FGD3: variants seen among roughly 807,000 people sequenced by gnomAD.
FGD3 encodes FYVE, RhoGEF and PH domain-containing protein 3.
A neutral mutation model predicts 71.8 loss-of-function variants in FGD3; 45 were observed. The observed-to-expected ratio is 0.63, with a 90% CI of 0.49 to 0.80. The LOEUF (loss-of-function observed/expected upper bound fraction) is 0.80, where lower values mean the gene tolerates loss of function less well. Ranked by LOEUF, FGD3 falls within the 30% of genes least tolerant of loss-of-function variation. FGD3 has a pLI of 0.00. For synonymous variants in FGD3, 378 were observed against 392.8 expected (o/e 0.96, Z 0.44); for missense variants, 844 against 951.5 (o/e 0.89, Z 1.49).
chr9:93,028,218 GCA>G (rs547210870), intron 14 of FGD3, among the ~76,000 whole-genome samples: 5,119 of 141,022 alleles, frequency 0.036, 103 homozygotes, highest in Middle Eastern at 0.066. Flanking sequence ...ACACACACAC[GCA>G]CACACACACA....
At chr9:93,033,022 G>T (rs1470429991) in intron 16 of FGD3, 149 bp downstream of exon 16, 8 of 772,370 alleles carry the variant, frequency 1.0e-5, no homozygotes, top group Non-Finnish European at 6.7e-6. Flanking sequence ...GGGGCCCCCA[G>T]GCTGGGAACA....
At chr9:93,010,175 G>T in intron 6 of FGD3, 71 bp from the exon 7 acceptor site, 1 of 1,519,188 alleles carries the variant, frequency 6.6e-7, no homozygotes, top group Non-Finnish European at 8.9e-7. Context: ...GGCTGTGGTG[G>T]CCAGAAGCCG....
chr9:93,027,301 C>G (rs978339053), intron 14 of FGD3, among the ~76,000 whole-genome samples: 1 of 152,206 alleles, frequency 6.6e-6, no homozygotes, highest in African/African-American at 2.4e-5. Context: ...GCACTGGTGT[C>G]AGTTTGTTGG....
intron 16 of FGD3, chr9:93,033,544 T>A: frequency 6.6e-6 from 1 of 152,030 alleles, no homozygotes; most frequent in Non-Finnish European, 1.4e-5. Context: ...CCTCCTCCAC[T>A]CCTCTTTCTG....
At chr9:92,975,802 A>T (rs2118571414) in intron 2 of FGD3, among the ~76,000 whole-genome samples, 1 of 148,660 alleles carries the variant, frequency 6.7e-6, no homozygotes, top group South Asian at 2.2e-4. Flanking sequence ...GGAGGAGGAC[A>T]CCGGCCTCAT....
rs966611743 is a variant in FGD3, at chr9:92,956,053, A to G, written c.-218+8324A>G. On this transcript the variant is annotated intron_variant, in intron 1 of 17. Coordinates refer to ENST00000375482, the MANE Select transcript of FGD3 (RefSeq NM_001083536.2). ...TGTTCATTGCCAGTATATACAAATT[A>G]AAGTGATTTTTGTGACTTGATTTTG... is the stretch of plus-strand genomic sequence containing the variant. Among the ~76,000 whole-genome samples the G allele has an allele frequency of 2.6e-5, 4 of 152,212 alleles. No homozygotes were observed. The South Asian group carries it at 8.3e-4, about 32-fold the overall frequency.
intron 3 of FGD3, among the ~76,000 whole-genome samples, chr9:92,990,187 C>A (rs1860352810): frequency 6.6e-6 from 1 of 151,948 alleles, no homozygotes; most frequent in Non-Finnish European, 1.5e-5. Context: ...CCTGTAATCC[C>A]AGAACTTTGG....
intron 11 of FGD3, 136 bp downstream of exon 11, chr9:93,018,351 G>A (rs996084288): frequency 6.0e-5 from 46 of 765,414 alleles, no homozygotes; most frequent in Middle Eastern, 2.7e-4. Context: ...CCAGGGTTCC[G>A]TCTATGTCCT....
rs750617822 is a variant in FGD3 at position 93,018,219 on chromosome 9, TG to T, written c.1355+6del. Reference sequence around the variant, plus strand: ...GGTCCCTGGAGCTGCAGACGCGGTATGGAACGGGCTGTTTCTAGTGAATGTC... The same window carrying T: ...GGTCCCTGGAGCTGCAGACGCGGTATGAACGGGCTGTTTCTAGTGAATGTC... On this transcript the variant is annotated splice_donor_5th_base_variant and intron_variant, in intron 11 of 17. Transcript: ENST00000375482. The T allele has an allele frequency of 1.2e-5, 19 of 1,609,116 alleles. No homozygotes were observed. Among genetic ancestry groups the T allele is most frequent in the Non-Finnish European group, 1.6e-5 (19 of 1,175,446 alleles).
chr9:92,980,863 C>T (rs577445074), intron 3 of FGD3, among the ~76,000 whole-genome samples: 6 of 149,098 alleles, frequency 4.0e-5, no homozygotes, highest in South Asian at 4.3e-4. Flanking sequence ...CCCAGCTACT[C>T]GGGAGGCTGA....
intron 1 of FGD3, among the ~76,000 whole-genome samples, chr9:92,962,679 G>A (rs1859191797): frequency 1.3e-5 from 2 of 152,196 alleles, no homozygotes. Context: ...GGTGGCTCAT[G>A]CCTGTAATCC....
intron 15 of FGD3, 45 bp downstream of exon 15, chr9:93,030,041 C>T: frequency 1.3e-6 from 2 of 1,598,026 alleles, no homozygotes; most frequent in Non-Finnish European, 1.7e-6. Context: ...CCACCCTGTC[C>T]TCTGCTCTGA....
chr9:93,009,212 G>A (rs1490105335), intron 6 of FGD3, among the ~76,000 whole-genome samples: 3 of 151,490 alleles, frequency 2.0e-5, no homozygotes, highest in Admixed American at 1.3e-4. Context: ...GCAGTGAGCC[G>A]AGATCGCGCC....
chr9:92,995,407 AT>A (rs1860596771), intron 3 of FGD3, among the ~76,000 whole-genome samples: 1 of 152,230 alleles, frequency 6.6e-6, no homozygotes, highest in Non-Finnish European at 1.5e-5. Context: ...ATATACAATC[AT>A]GTCATCTGCA....
intron 1 of FGD3, among the ~76,000 whole-genome samples, chr9:92,963,531 C>G (rs1316685501): frequency 6.6e-6 from 1 of 152,146 alleles, no homozygotes; most frequent in Non-Finnish European, 1.5e-5. Flanking sequence ...AACTCCTGAC[C>G]TCAAGTGATC....
chr9:93,004,111 G>C lies in FGD3; in HGVS notation c.654G>C (p.Glu218Asp), dbSNP rs753545285. The C allele has an allele frequency of 1.9e-6, 3 of 1,614,058 alleles. No individual in the cohort carries two copies. In the Admixed American group the frequency reaches 5.0e-5, roughly 27 times the overall value. ...HRFHGQFLLP[E>D]LKTRITEEWD... The stretch of plus-strand genomic sequence containing the variant: ...TCCACGGGCAGTTCCTGCTGCCGGA[G>C]CTGAAGACGCGGATCACGGAGGAGT... The change falls in exon 5 of 18, where the codon GAG becomes GAC. Residue 218 changes from glutamate (E) to aspartate (D), a missense_variant. Glu to Asp is a conservative substitution (Grantham distance 45). Transcript: ENST00000375482.
At chr9:92,983,274 G>C (rs1860063634) in intron 3 of FGD3, among the ~76,000 whole-genome samples, 1 of 152,000 alleles carries the variant, frequency 6.6e-6, no homozygotes, top group African/African-American at 2.4e-5. Flanking sequence ...TGTAATCCCA[G>C]CACTTTGGGA....
intron 9 of FGD3, among the ~76,000 whole-genome samples, chr9:93,014,411 C>T (rs1415290096): frequency 6.6e-6 from 1 of 152,042 alleles, no homozygotes; most frequent in Non-Finnish European, 1.5e-5. Context: ...AAGTGTAATT[C>T]GAGACCCCCC....
chr9:92,957,827 G>T (rs976273501), intron 1 of FGD3, among the ~76,000 whole-genome samples: 2 of 150,726 alleles, frequency 1.3e-5, no homozygotes, highest in African/African-American at 2.4e-5. Context: ...GAGTACAGGC[G>T]TGCACCACTA....
Sources: allele counts gnomAD v4.1 joint callset (sites outside exome capture counted in the v4.1 genomes callset), GRCh38; gene constraint gnomAD v4.1.1; transcripts MANE v1.5; gene names NCBI Gene and HGNC (gene_info 2026-07-23, HGNC 2026-07-21).